The following INPP1 variants were observed in gnomAD, a reference collection of about 807,000 sequenced individuals.
The protein encoded by INPP1 is inositol polyphosphate-1-phosphatase.
A neutral mutation model predicts 23.0 loss-of-function variants in INPP1; 18 were observed. The ratio of observed to expected loss-of-function variants is 0.78; its 90% confidence interval spans 0.54 to 1.16. INPP1 has a LOEUF of 1.16. INPP1 is among the 50% of genes most tolerant of loss of function. The pLI, the probability that INPP1 is intolerant of heterozygous loss-of-function variation, is 0.00. For synonymous variants in INPP1, 164 were observed against 176.3 expected, an observed-to-expected ratio of 0.93 and a Z score of 0.55; for missense variants, 448 against 482.1, an observed-to-expected ratio of 0.93 and a Z score of 0.66.
In INPP1 at chr2:190,363,628, C is replaced by T. The variant is rs1689577450; in HGVS notation, c.265+941C>T. ...GAAAAAATGAGTTTCTAGATTAACT[C>T]TGAAAATTTTTTAGTCTCCTTCATG... On this transcript the variant is annotated intron_variant, in intron 4 of 6. Coordinates refer to ENST00000392329, the MANE Select transcript of INPP1 (RefSeq NM_001128928.2). The surrounding 1 kb of genome is among the most constrained non-coding windows in gnomAD (Gnocchi z 4.4). Among the ~76,000 whole-genome samples, 1 of 151,858 alleles carries T rather than the reference C, an allele frequency of 6.6e-6. No homozygotes were observed. Among genetic ancestry groups the T allele is most frequent in the South Asian group, 2.1e-4 (1 of 4,660 alleles).
In INPP1 at chr2:190,368,867, G is replaced by T; in HGVS notation, c.467-236G>T. ...TTTGAATGCCTGTTATATACAAATT[G>T]CTATGCCACAGGAACTATAGACACA... On this transcript the variant is annotated intron_variant, in intron 5 of 6. Transcript: ENST00000392329. This position sits in a 1 kb window ranked among gnomAD's most constrained non-coding sequence, Gnocchi z 4.3. 2 of 319,362 alleles carry T rather than the reference G, an allele frequency of 6.3e-6. No homozygotes were observed. The highest frequency in any genetic ancestry group is 4.9e-5 in the East Asian group (1 of 20,264). 19.8% of individuals were successfully genotyped at this position (319,362 alleles called of 1,614,324 possible).
rs1191265286 is a variant in INPP1, at chr2:190,371,360, C to T, written c.1158C>T (p.Ser386=). Residue 386 remains serine (S), a synonymous_variant, in exon 7 of 7, where the codon AGC becomes AGT. Coordinates refer to ENST00000392329, the MANE Select transcript of INPP1 (RefSeq NM_001128928.2). This position sits in a 1 kb window ranked among gnomAD's most constrained non-coding sequence, Gnocchi z 5.3. ...RSRKRLETFL[S]LLVQNLAPAE... ...GGAAGCGGCTGGAGACATTCCTGAG[C>T]CTCCTGGTCCAAAACCTGGCACCTG... 7.8e-6 allele frequency: 12 copies of T among 1,539,496 alleles called. No homozygotes were observed. Among genetic ancestry groups the T allele is most frequent in the Non-Finnish European group, 1.0e-5 (12 of 1,144,116 alleles).
intron 2 of INPP1, among the ~76,000 whole-genome samples, chr2:190,351,467 C>G (rs980198589): frequency 3.3e-5 from 5 of 152,152 alleles, no homozygotes; most frequent in African/African-American, 1.2e-4. Context: ...CATCAGTAAC[C>G]CCACCTTCTT....
chr2:190,370,844 G>T lies in INPP1; in HGVS notation c.642G>T (p.Arg214Ser), dbSNP rs770620276. Reference protein sequence around the residue: ...PFVSRDPNTLRWKGQCYWGLS... With the variant: ...PFVSRDPNTLSWKGQCYWGLS... The stretch of plus-strand genomic sequence containing the variant: ...ACCAATTGAAATTTTTCTTCTACAG[G>T]TGGAAAGGACAGTGCTATTGGGGCC... Residue 214 changes from arginine to serine, a missense_variant and splice_region_variant, in exon 7 of 7, where the codon AGG (arginine) becomes AGT (serine). Coordinates refer to ENST00000392329, the MANE Select transcript of INPP1 (RefSeq NM_001128928.2). The T allele has an allele frequency of 6.4e-7, 1 of 1,570,980 alleles. No homozygotes were observed.
intron 3 of INPP1, 60 bp from the exon 4 acceptor site, chr2:190,362,567 C>A: frequency 4.1e-6 from 4 of 985,194 alleles, no homozygotes; most frequent in East Asian, 2.5e-5. Flanking sequence ...GAAATCTGTT[C>A]AGAATTGAGC....
At chr2:190,358,027 T>C (rs1017343969) in intron 2 of INPP1, among the ~76,000 whole-genome samples, 1 of 152,046 alleles carries the variant, frequency 6.6e-6, no homozygotes, top group African/African-American at 2.4e-5. Context: ...CATCTATGTC[T>C]TCAGAGTTGT....
At position 190,346,906 on chromosome 2, in the gene INPP1, A is replaced by G. The variant is rs1441807539; in HGVS notation, c.-208-1982A>G. ...AGGTGTGAGCTGCTGCACCCAGCCT[A>G]ATTTCTTTCATATTATAGATTTATT... On this transcript the variant is annotated intron_variant, in intron 1 of 6. Coordinates refer to ENST00000392329, the MANE Select transcript of INPP1 (RefSeq NM_001128928.2). The surrounding 1 kb of genome is among the most constrained non-coding windows in gnomAD (Gnocchi z 5.1). Among the ~76,000 whole-genome samples, 1 of 151,690 alleles carries G rather than the reference A, an allele frequency of 6.6e-6. No individual in the cohort carries two copies. Among genetic ancestry groups the G allele is most frequent in the Admixed American group, 6.6e-5 (1 of 15,236 alleles).
Position 190,348,873 on chromosome 2 carries a change from A to C in INPP1, c.-208-15A>C, listed in dbSNP as rs953795451. ...TTCTTTTCCTTTTTTATGTTTACAA[A>C]ATGGGGAAAACAAGTCCTTCAGAGC... On this transcript the variant is annotated splice_polypyrimidine_tract_variant and intron_variant, in intron 1 of 6. Transcript: ENST00000392329. The C allele has an allele frequency of 6.6e-6, 1 of 152,200 alleles. No homozygotes were observed. The highest frequency in any genetic ancestry group is 1.5e-5 in the Non-Finnish European group (1 of 68,038). The allele number at this position is 152,200 out of a possible 1,614,324, so 9.4% of individuals were successfully genotyped here.
chr2:190,352,520 G>A lies in INPP1; in HGVS notation c.-65+3489G>A, dbSNP rs545126270. 6.6e-6 allele frequency among the ~76,000 whole-genome samples: 1 copy of A among 152,164 alleles called. No individual in the cohort carries two copies. The highest frequency in any genetic ancestry group is 1.5e-5 in the Non-Finnish European group (1 of 68,026). ...AGGCTTGTAGTACAGTTTCCCTCTG[G>A]CCTCACAGGAATCTCAGGGGAGGCT... On this transcript the variant is annotated intron_variant, in intron 2 of 6. Transcript: ENST00000392329. The surrounding 1 kb of genome is among the most constrained non-coding windows in gnomAD (Gnocchi z 4.7).
In INPP1 at chr2:190,355,687, T is replaced by C. The variant is rs1338063945; in HGVS notation, c.-64-4352T>C. On this transcript the variant is annotated intron_variant, in intron 2 of 6. Transcript: ENST00000392329. This position sits in a 1 kb window ranked among gnomAD's most constrained non-coding sequence, Gnocchi z 5.1. ...GTCAAGGCTATTAAATTATGGTAAATGCCATAACTTACTAATCATAAGTCT... is the reference window on the plus strand; with the variant it reads ...GTCAAGGCTATTAAATTATGGTAAACGCCATAACTTACTAATCATAAGTCT... 6.6e-6 allele frequency among the ~76,000 whole-genome samples: 1 copy of C among 152,214 alleles called. No individual in the cohort carries two copies. The highest frequency in any genetic ancestry group is 1.5e-5 in the Non-Finnish European group (1 of 68,028).
At chr2:190,353,676 A>C (rs1689365112) in intron 2 of INPP1, among the ~76,000 whole-genome samples, 1 of 152,230 alleles carries the variant, frequency 6.6e-6, no homozygotes, top group Non-Finnish European at 1.5e-5. Context: ...AGAGAGTCTC[A>C]GAGAGGGTAA....
chr2:190,362,556 T>G, intron 3 of INPP1, 71 bp from the exon 4 acceptor site: 1 of 858,320 alleles, frequency 1.2e-6, no homozygotes, highest in East Asian at 2.7e-5. Flanking sequence ...AATATAAAAT[T>G]GAAATCTGTT....
At chr2:190,358,924 C>T (rs562131459) in intron 2 of INPP1, among the ~76,000 whole-genome samples, 14 of 151,954 alleles carry the variant, frequency 9.2e-5, no homozygotes, top group Middle Eastern at 6.8e-3. Context: ...TTTTTTTTAA[C>T]GGGGTGTGAG....
Position 190,368,095 on chromosome 2 carries a change from A to G in INPP1, c.467-1008A>G, listed in dbSNP as rs1455832156. Among the ~76,000 whole-genome samples, 1 of 152,232 alleles carries G rather than the reference A, an allele frequency of 6.6e-6. No homozygotes were observed. The highest frequency in any genetic ancestry group is 2.4e-5 in the African/African-American group (1 of 41,464). On this transcript the variant is annotated intron_variant, in intron 5 of 6. Coordinates refer to ENST00000392329, the MANE Select transcript of INPP1 (RefSeq NM_001128928.2). This position sits in a 1 kb window ranked among gnomAD's most constrained non-coding sequence, Gnocchi z 4.3. ...ATTCAGCCAGTGGATGATATATGGA[A>G]ACTAAAAACCTTTCCCCAAATCTTT... is the stretch of plus-strand genomic sequence containing the variant.
intron 6 of INPP1, 140 bp from the exon 7 acceptor site, chr2:190,370,704 C>CTTAAAGG: frequency 1.5e-6 from 1 of 680,078 alleles, no homozygotes; most frequent in East Asian, 2.5e-5. Context: ...TACCTGATAT[C>CTTAAAGG]TATTCCTAGA....
At chr2:190,366,001 CTCTCGCTCTG>C (rs1245329451) in intron 4 of INPP1, among the ~76,000 whole-genome samples, 1 of 24,376 alleles carries the variant, frequency 4.1e-5, no homozygotes, top group Non-Finnish European at 7.2e-5. Flanking sequence ...CTCTCTCGCT[CTCTCGCTCTG>C]TCTCGCTCTC....
At chr2:190,361,845 A>C (rs1023247757) in intron 3 of INPP1, among the ~76,000 whole-genome samples, 1 of 152,212 alleles carries the variant, frequency 6.6e-6, no homozygotes, top group Non-Finnish European at 1.5e-5. Context: ...TATTAAAGCT[A>C]TTGGTCATCT....
rs142894446 is a variant in INPP1, at chr2:190,360,165, G to A, written c.63G>A (p.Ala21=). The A allele has an allele frequency of 1.2e-4, 195 of 1,614,162 alleles. 2 individuals are homozygous for A. The East Asian group carries it at 3.2e-3, about 26-fold the overall frequency. ...AGAAGGCTGCTAACATTGCCCGGGC[G>A]TGCAGACAGCAGGAAGCCCTCTTCC... ...VSEKAANIAR[A]CRQQEALFQL... The change falls in exon 3 of 7, where the codon GCG becomes GCA. Residue 21 remains alanine (A), a synonymous_variant. Transcript: ENST00000392329.
intron 4 of INPP1, among the ~76,000 whole-genome samples, chr2:190,364,355 C>T (rs767621374): frequency 8.6e-5 from 13 of 151,896 alleles, no homozygotes; most frequent in South Asian, 4.2e-4. Flanking sequence ...CTGGCTAACA[C>T]GGTGAAACCC....
Sources: allele counts gnomAD v4.1 joint callset (sites outside exome capture counted in the v4.1 genomes callset), GRCh38; gene constraint gnomAD v4.1.1; non-coding constraint Gnocchi (gnomAD v3.1); transcripts MANE v1.5; gene names NCBI Gene and HGNC (gene_info 2026-07-23, HGNC 2026-07-21).